The following SERINC2 variants were observed in gnomAD, a reference collection of about 807,000 sequenced individuals.
The protein encoded by SERINC2 is tumor differentially expressed protein 2.
Under a neutral mutation model 54.2 loss-of-function variants are expected in SERINC2, and 56 were observed. The ratio of observed to expected loss-of-function variants is 1.03; its 90% CI spans 0.83 to 1.29. The LOEUF (loss-of-function observed/expected upper bound fraction) is 1.29, where lower values mean the gene tolerates loss of function less well. Among genes scored for constraint, SERINC2 ranks in the 50% most tolerant of loss-of-function variants. The pLI, the probability that SERINC2 is intolerant of heterozygous loss-of-function variation, is 0.00. For missense variants in SERINC2, 614 were observed against 607.4 expected, an observed-to-expected ratio of 1.01 and a Z score of -0.12; for synonymous variants, 272 against 253.1, an observed-to-expected ratio of 1.07 and a Z score of -0.71.
intron 1 of SERINC2, among the ~76,000 whole-genome samples, chr1:31,422,738 G>A (rs192471492): frequency 2.5e-3 from 383 of 152,322 alleles, no homozygotes; most frequent in Middle Eastern, 0.01. Flanking sequence ...GTATCTGGAT[G>A]TGGGGCCTGT....
Position 31,433,068 on chromosome 1 carries a change from G to T in SERINC2, c.1115G>T (p.Cys372Phe). The T allele has an allele frequency of 6.2e-7, 1 of 1,613,346 alleles. No homozygotes were observed. Among genetic ancestry groups the T allele is most frequent in the East Asian group, 2.2e-5 (1 of 44,882 alleles). Reference sequence around the variant, plus strand: ...CAGCAGCAGCAGCAGGTGGCAGCCTGTGAGGGCCGGGCCTTTGACAACGAG... The same window carrying T: ...CAGCAGCAGCAGCAGGTGGCAGCCTTTGAGGGCCGGGCCTTTGACAACGAG... ...ATQQQQQVAA[C>F]EGRAFDNEQD... The change falls in exon 9 of 10, where the codon TGT (cysteine) becomes TTT (phenylalanine). Residue 372 changes from cysteine to phenylalanine, a missense_variant. Physicochemically the swap from Cys to Phe is radical, Grantham distance 205 (BLOSUM62 -2). Transcript: ENST00000373709.
rs111494207 is a variant in SERINC2 at position 31,429,539 on chromosome 1, G to C, written c.1013+1G>C. 6.2e-7 allele frequency: 1 copy of C among 1,602,576 alleles called. No homozygotes were observed. Among genetic ancestry groups the C allele is most frequent in the East Asian group, 2.2e-5 (1 of 44,622 alleles). ...TCCTCCTGTGCACCCTCTTCATCAG[G>C]TATGGCCAGGTCTGGATTCTGGGGA... On this transcript the variant is annotated splice_donor_variant, in intron 8 of 9. Transcript: ENST00000373709. LOFTEE classifies it high-confidence loss of function.
rs568151995 is a variant in SERINC2 at position 31,434,266 on chromosome 1, A to G, written c.*67A>G. ...GTGCCTCTCGGCTCAGTGACAGCCA[A>G]CCTGCCCCCTCCCCACACCAATCAG... is the stretch of plus-strand genomic sequence containing the variant. On this transcript the variant is annotated 3_prime_UTR_variant, in exon 10 of 10. Transcript: ENST00000373709. The G allele has an allele frequency of 7.9e-5, 120 of 1,510,250 alleles. No homozygotes were observed. The highest frequency in any genetic ancestry group is 1.0e-4 in the Non-Finnish European group (116 of 1,109,526). 93.6% of individuals were successfully genotyped at this position (1,510,250 alleles called of 1,614,324 possible).
chr1:31,426,128 G>A (rs1570049197), intron 5 of SERINC2: 4 of 545,954 alleles, frequency 7.3e-6, no homozygotes, highest in East Asian at 6.8e-5. Flanking sequence ...ACCTGGAGAG[G>A]CCTTGGAGGG....
At chr1:31,413,144 T>G, upstream of SERINC2, 2 of 999,572 alleles carry the variant, frequency 2.0e-6, no homozygotes, top group Non-Finnish European at 2.4e-6. The surrounding 1 kb of genome is among the most constrained non-coding windows in gnomAD (Gnocchi z 5.0). Flanking sequence ...GTCGAGCGGC[T>G]TCGGTAGGTG....
In SERINC2 at chr1:31,434,360, G is replaced by A; in HGVS notation, c.*161G>A. 1 of 689,428 alleles carries A rather than the reference G, an allele frequency of 1.5e-6. No individual in the cohort carries two copies. The highest frequency in any genetic ancestry group is 2.4e-6 in the Non-Finnish European group (1 of 414,048). 42.7% of individuals were successfully genotyped at this position (689,428 alleles called of 1,614,324 possible). ...CTGAGCCGGGCCTTCTAGTCGTAGT[G>A]CCTTCAGGGTCCGAGGAGCATCAGG... On this transcript the variant is annotated 3_prime_UTR_variant, in exon 10 of 10. Coordinates refer to ENST00000373709, the MANE Select transcript of SERINC2 (RefSeq NM_178865.5).
rs1640693210 is a variant in SERINC2, at chr1:31,413,324, CCCGCCCGCGCGCG to C, written c.39+28_39+40del. On this transcript the variant is annotated intron_variant, in intron 1 of 9. Coordinates refer to ENST00000373709, the MANE Select transcript of SERINC2 (RefSeq NM_178865.5). This position sits in a 1 kb window ranked among gnomAD's most constrained non-coding sequence, Gnocchi z 5.0. ...AGCTGCGTGAGTCCCGACCCCGGCG[CCCGCCCGCGCGCG>C]CCGCCCGTTCCTGCTGCGGGCCCTC... 8.1e-7 allele frequency: 1 copy of C among 1,240,552 alleles called. No individual in the cohort carries two copies. The highest frequency in any genetic ancestry group is 1.0e-6 in the Non-Finnish European group (1 of 987,430). The allele number at this position is 1,240,552 out of a possible 1,614,324, so 76.8% of individuals were successfully genotyped here. A position where few individuals can be genotyped will look rare whatever the true frequency, so the allele number is the denominator to read the frequency against.
In SERINC2 at chr1:31,432,971, C is replaced by T. The variant is rs201159674; in HGVS notation, c.1018C>T (p.Arg340Cys). ...ACCTTCCTCCCTCCCCTGCAGTCTG[C>T]GCTCCTCAGACCACCGGCAGGTGAA... The part of the protein sequence containing the change: ...FLLCTLFISL[R>C]SSDHRQVNSL... The change falls in exon 9 of 10, where the codon CGC (arginine) becomes TGC (cysteine). Residue 340 changes from arginine (R) to cysteine (C), a missense_variant. Physicochemically the swap from Arg to Cys is radical, Grantham distance 180. Coordinates refer to ENST00000373709, the MANE Select transcript of SERINC2 (RefSeq NM_178865.5). 2.6e-5 allele frequency: 41 copies of T among 1,607,668 alleles called. No homozygotes were observed. The highest frequency in any genetic ancestry group is 9.4e-5 in the African/African-American group (7 of 74,746).
chr1:31,426,640 C>A lies in SERINC2; in HGVS notation c.611-14C>A, dbSNP rs1553133644. 6.3e-7 allele frequency: 1 copy of A among 1,593,690 alleles called. No homozygotes were observed. The highest frequency in any genetic ancestry group is 1.7e-5 in the Admixed American group (1 of 59,362). ...CCACCCACTGCCTACCCTCTCACTACCCCTCTGGCCCAGGCCTCTTCTTCT... is the reference window on the plus strand; with the variant it reads ...CCACCCACTGCCTACCCTCTCACTAACCCTCTGGCCCAGGCCTCTTCTTCT... On this transcript the variant is annotated splice_polypyrimidine_tract_variant and intron_variant, in intron 5 of 9. Transcript: ENST00000373709.
rs182851954 is a variant in SERINC2, at chr1:31,413,722, G to A, written c.39+418G>A. On this transcript the variant is annotated intron_variant, in intron 1 of 9. Transcript: ENST00000373709. This position sits in a 1 kb window ranked among gnomAD's most constrained non-coding sequence, Gnocchi z 5.0. ...CTGGTTCTCTGTGTAGGTCGCCCGG[G>A]CCCCGTCCCTCCTGGCGAGTGCCCT... The A allele has an allele frequency of 1.8e-3, 2,361 of 1,316,684 alleles. 16 individuals are homozygous for A. Among genetic ancestry groups the A allele is most frequent in the Non-Finnish European group, 1.4e-3 (1,439 of 1,034,728 alleles). The allele number at this position is 1,316,684 out of a possible 1,614,324, so 81.6% of individuals were successfully genotyped here.
In SERINC2 at chr1:31,434,435, C is replaced by T; in HGVS notation, c.*236C>T. On this transcript the variant is annotated 3_prime_UTR_variant, in exon 10 of 10. Coordinates refer to ENST00000373709, the MANE Select transcript of SERINC2 (RefSeq NM_178865.5). ...CCACACCCACACGGTGGAGCTGCCT[C>T]TTCCTTCCCCTCCTCCCTGTTGCCC... 3.6e-6 allele frequency: 2 copies of T among 559,240 alleles called. No homozygotes were observed. The highest frequency in any genetic ancestry group is 3.2e-6 in the Non-Finnish European group (1 of 314,556). 34.6% of individuals were successfully genotyped at this position (559,240 alleles called of 1,614,324 possible).
chr1:31,431,302 A>ATTTTT (rs113450135), intron 8 of SERINC2, among the ~76,000 whole-genome samples: 1 of 143,590 alleles, frequency 7.0e-6, no homozygotes. Flanking sequence ...TTAAAAAAAC[A>ATTTTT]TTTTTTTTTT....
At chr1:31,419,386 T>C (rs1640853976) in intron 1 of SERINC2, among the ~76,000 whole-genome samples, 1 of 152,230 alleles carries the variant, frequency 6.6e-6, no homozygotes, top group Admixed American at 6.5e-5. Context: ...TTTATTTTTA[T>C]ATTTGTAAAT....
At position 31,434,509 on chromosome 1, in the gene SERINC2, G is replaced by A; in HGVS notation, c.*310G>A. 1 of 378,822 alleles carries A rather than the reference G, an allele frequency of 2.6e-6. No homozygotes were observed. Among genetic ancestry groups the A allele is most frequent in the Non-Finnish European group, 4.8e-6 (1 of 207,356 alleles). 23.5% of individuals were successfully genotyped at this position (378,822 alleles called of 1,614,324 possible). On this transcript the variant is annotated 3_prime_UTR_variant, in exon 10 of 10. Coordinates refer to ENST00000373709, the MANE Select transcript of SERINC2 (RefSeq NM_178865.5). ...GGCTCCCTTGTCCTCAGGCTCCACG[G>A]GAGCGGGGCTGCTGGAGAGAGCGGG...
At chr1:31,409,975 G>A (rs1640622299), upstream of SERINC2, 2 of 1,003,498 alleles carry the variant, frequency 2.0e-6, no homozygotes, top group Non-Finnish European at 1.4e-6. Context: ...TGGGGTGGGT[G>A]GTCCAAGAAG....
rs1212163738 is a variant in SERINC2, at chr1:31,413,484, C to T, written c.39+180C>T. On this transcript the variant is annotated intron_variant, in intron 1 of 9. Coordinates refer to ENST00000373709, the MANE Select transcript of SERINC2 (RefSeq NM_178865.5). This position sits in a 1 kb window ranked among gnomAD's most constrained non-coding sequence, Gnocchi z 5.0. ...TCACTCGGCACCCGGATCCCGCTGC[C>T]CCCGTCCCCCTGCTCAGTCCTGGCC... Among the ~76,000 whole-genome samples the T allele has an allele frequency of 6.6e-6, 1 of 152,198 alleles. No individual in the cohort carries two copies. The highest frequency in any genetic ancestry group is 2.4e-5 in the African/African-American group (1 of 41,558).
In SERINC2 at chr1:31,429,493, G is replaced by A. The variant is rs1641137282; in HGVS notation, c.968G>A (p.Ser323Asn). 4 of 1,613,722 alleles carry A rather than the reference G, an allele frequency of 2.5e-6. No homozygotes were observed. The East Asian group carries it at 8.9e-5, about 36-fold the overall frequency. Residue 323 changes from serine (S) to asparagine (N), a missense_variant, in exon 8 of 10, where the codon AGC (serine) becomes AAC (asparagine). Transcript: ENST00000373709. ...GAGACCCAGTGGTGGGATGCCCCGA[G>A]CATTGTGGGCCTCATCATCTTCCTC... Reference protein sequence around the residue: ...GYETQWWDAPSIVGLIIFLLC... With the variant: ...GYETQWWDAPNIVGLIIFLLC...
At chr1:31,431,815 A>G (rs1641227290) in intron 8 of SERINC2, among the ~76,000 whole-genome samples, 1 of 129,878 alleles carries the variant, frequency 7.7e-6, no homozygotes, top group African/African-American at 3.0e-5. Flanking sequence ...CAGGGTGGAC[A>G]GGGTGGATAG....
At chr1:31,429,364 A>G (rs782515895) in intron 7 of SERINC2, 33 bp from the exon 8 acceptor site, 20 of 1,585,156 alleles carry the variant, frequency 1.3e-5, no homozygotes, top group South Asian at 8.1e-5. Flanking sequence ...CCTGGCCTGC[A>G]TGGGCTGAGG....
Sources: gnomAD v4.1 joint callset for allele counts (sites outside exome capture counted in the v4.1 genomes callset) on GRCh38, gnomAD v4.1.1 for gene constraint, Gnocchi (gnomAD v3.1) non-coding constraint, MANE v1.5 for transcripts, NCBI Gene and HGNC (gene_info 2026-07-23, HGNC 2026-07-21) for gene names.